Variants in CTNND1 observed in about 807,000 individuals in gnomAD.
The protein encoded by CTNND1 is catenin delta 1.
In CTNND1, 16 loss-of-function variants were observed where a neutral mutation model predicts 112.1. The observed-to-expected ratio is 0.14, with a 90% CI of 0.10 to 0.22. CTNND1 has a LOEUF of 0.22. Ranked by LOEUF, CTNND1 falls within the 10% of genes least tolerant of loss-of-function variation. The probability of loss-of-function intolerance (pLI) is 1.00; values close to 1 mark genes in which losing one functional copy is unlikely to be tolerated. For synonymous variants in CTNND1, 420 were observed against 446.5 expected (o/e 0.94, Z 0.75); for missense variants, 1,008 against 1,257.0 (o/e 0.80, Z 3.00).
rs2062980588 is a variant in CTNND1, at chr11:57,808,622, T to G, written c.2242+82T>G. On this transcript the variant is annotated intron_variant, in intron 14 of 20. Coordinates refer to ENST00000399050, the MANE Select transcript of CTNND1 (RefSeq NM_001085458.2). Reference sequence around the variant, plus strand: ...GCAGGTGCCTAATAATTTATTGAATTTATTGAAATGACTGAAGGGAAGGAC... The same window carrying G: ...GCAGGTGCCTAATAATTTATTGAATGTATTGAAATGACTGAAGGGAAGGAC... 10 of 1,342,364 alleles carry G rather than the reference T, an allele frequency of 7.4e-6. No homozygotes were observed. In the South Asian group the frequency reaches 1.8e-4, roughly 24 times the overall value. The allele number at this position is 1,342,364 out of a possible 1,614,324, so 83.2% of individuals were successfully genotyped here.
chr11:57,766,891 C>A (rs182614397), intron 1 of CTNND1, among the ~76,000 whole-genome samples: 2 of 152,076 alleles, frequency 1.3e-5, no homozygotes, highest in East Asian at 3.9e-4. Context: ...TCCAGTGAGC[C>A]CTTCAGTTTG....
intron 1 of CTNND1, among the ~76,000 whole-genome samples, chr11:57,787,825 C>T (rs2136528403): frequency 6.6e-6 from 1 of 152,330 alleles, no homozygotes; most frequent in Non-Finnish European, 1.5e-5. Flanking sequence ...GCCAGGTGGT[C>T]AGCTTTAAAG....
At chr11:57,800,298 C>T (rs1297856078) in intron 6 of CTNND1, among the ~76,000 whole-genome samples, 7 of 149,690 alleles carry the variant, frequency 4.7e-5, no homozygotes, top group Non-Finnish European at 8.9e-5. Flanking sequence ...AATAGAGTCT[C>T]GCTCTGTCAC....
In CTNND1 at chr11:57,761,885, AAAG is replaced by A; in HGVS notation, c.-446_-444del. The A allele has an allele frequency of 2.0e-6, 2 of 985,344 alleles. No individual in the cohort carries two copies. Among genetic ancestry groups the A allele is most frequent in the Middle Eastern group, 5.2e-4 (1 of 1,914 alleles). The allele number at this position is 985,344 out of a possible 1,614,324, so 61.0% of individuals were successfully genotyped here. On this transcript the variant is annotated 5_prime_UTR_variant, in exon 1 of 21. Coordinates refer to ENST00000399050, the MANE Select transcript of CTNND1 (RefSeq NM_001085458.2). ...AGGTGTTGGATCTGAGGGGGAAAAA[AAAG>A]AGAGAGGGAGAGAGAGAGAAAGAAG...
At chr11:57,780,373 C>T (rs1472775517) in intron 1 of CTNND1, among the ~76,000 whole-genome samples, 2 of 151,996 alleles carry the variant, frequency 1.3e-5, no homozygotes, top group Non-Finnish European at 2.9e-5. Flanking sequence ...GACTTTTAAC[C>T]CCAGGAAACA....
intron 20 of CTNND1, 125 bp from the exon 21 acceptor site, chr11:57,816,172 C>A: frequency 7.8e-7 from 1 of 1,284,408 alleles, no homozygotes; most frequent in Non-Finnish European, 1.1e-6. Flanking sequence ...CTGGGACATG[C>A]AGCTGGTGAT....
chr11:57,791,865 A>G (rs1159948434), intron 3 of CTNND1, among the ~76,000 whole-genome samples, 192 bp downstream of exon 3: 1 of 152,170 alleles, frequency 6.6e-6, no homozygotes, highest in African/African-American at 2.4e-5. Flanking sequence ...AGCTGGGTGC[A>G]GTTACTATCT....
chr11:57,805,936 G>C lies in CTNND1; in HGVS notation c.1777G>C (p.Glu593Gln). The change falls in exon 10 of 21, where the codon GAG (glutamate) becomes CAG (glutamine). Residue 593 changes from glutamate to glutamine, a missense_variant. Glu to Gln is a conservative substitution (Grantham distance 29, BLOSUM62 2). This residue lies in a region of CTNND1 where 216 missense variants were observed against 342.8 expected (regional missense o/e 0.63). Transcript: ENST00000399050. Reference protein sequence around the residue: ...LRNLSYQVHREIPQAERYQEA... With the variant: ...LRNLSYQVHRQIPQAERYQEA... Reference sequence around the variant, plus strand: ...GAACTTATCATATCAAGTTCACCGGGAGATCCCACAGGCAGAGCGTTACCA... The same window carrying C: ...GAACTTATCATATCAAGTTCACCGGCAGATCCCACAGGCAGAGCGTTACCA... 2 of 1,613,696 alleles carry C rather than the reference G, an allele frequency of 1.2e-6. No homozygotes were observed. Among genetic ancestry groups the C allele is most frequent in the Non-Finnish European group, 1.7e-6 (2 of 1,179,750 alleles).
At chr11:57,765,245 CTG>C (rs1456892276) in intron 1 of CTNND1, among the ~76,000 whole-genome samples, 1 of 152,056 alleles carries the variant, frequency 6.6e-6, no homozygotes, top group Non-Finnish European at 1.5e-5. Flanking sequence ...TGTCTTATCT[CTG>C]TATCTTTTTA....
At chr11:57,804,297 A>G (rs1235361939) in intron 8 of CTNND1, among the ~76,000 whole-genome samples, 1 of 152,184 alleles carries the variant, frequency 6.6e-6, no homozygotes, top group East Asian at 1.9e-4. Context: ...ATTTTATTAA[A>G]GTTTTCCTGA....
chr11:57,784,122 T>C (rs2059893762), intron 1 of CTNND1, among the ~76,000 whole-genome samples: 1 of 151,786 alleles, frequency 6.6e-6, no homozygotes, highest in Admixed American at 6.6e-5. Flanking sequence ...GGTTTTGCCA[T>C]GTTGCCCAGG....
rs59803542 is a variant in CTNND1 at position 57,816,235 on chromosome 11, T to TG, written c.2896-54dup. 1,865 of 1,599,164 alleles carry TG rather than the reference T, an allele frequency of 1.2e-3. 1 individual carries two copies. The highest frequency in any genetic ancestry group is 3.8e-3 in the Middle Eastern group (23 of 6,034). On this transcript the variant is annotated intron_variant, in intron 20 of 20. Transcript: ENST00000399050. The stretch of plus-strand genomic sequence containing the variant: ...TTTCTCCAGATTTGCTCAACTTTTT[T>TG]GGGGGGGGTCTCCTTAATCCCAACC...
Position 57,806,496 on chromosome 11 carries a change from AG to A in CTNND1, c.1894+20del. On this transcript the variant is annotated intron_variant, in intron 11 of 20. Transcript: ENST00000399050. ...CTCCAGAGGTGAGTGGAGTCTTTTA[AG>A]GTGCTTATCTACTTCTAATTTGCAT... 1 of 1,593,502 alleles carries A rather than the reference AG, an allele frequency of 6.3e-7. No homozygotes were observed. The highest frequency in any genetic ancestry group is 8.6e-7 in the Non-Finnish European group (1 of 1,168,186).
In CTNND1 at chr11:57,801,855, C is replaced by T. The variant is rs1203192441; in HGVS notation, c.1079C>T (p.Pro360Leu). The T allele has an allele frequency of 2.5e-6, 4 of 1,613,934 alleles. No individual in the cohort carries two copies. In the East Asian group the frequency reaches 6.7e-5, roughly 27 times the overall value. The change falls in exon 7 of 21, where the codon CCT (proline) becomes CTT (leucine). Residue 360 changes from proline to leucine, a missense_variant. By Grantham distance (98) the Pro-to-Leu change is moderately conservative. Transcript: ENST00000399050. The stretch of plus-strand genomic sequence containing the variant: ...AGCCTGCGCAAAGGAGGGCCTCCAC[C>T]TCCTAATTGGAGACAGCCAGAGCTG... ...LDSLRKGGPP[P>L]PNWRQPELPE...
At chr11:57,803,051 G>T (rs2062189527) in intron 7 of CTNND1, among the ~76,000 whole-genome samples, 1 of 152,202 alleles carries the variant, frequency 6.6e-6, no homozygotes, top group South Asian at 2.1e-4. Context: ...TGTCAGTGGT[G>T]CTGAGGTTGA....
intron 6 of CTNND1, among the ~76,000 whole-genome samples, chr11:57,800,834 G>A (rs1439578997): frequency 1.3e-5 from 2 of 152,300 alleles, no homozygotes; most frequent in African/African-American, 2.4e-5. Flanking sequence ...TGGTAGTTAC[G>A]AATAAATAAT....
chr11:57,762,808 G>T (rs1014533420), intron 1 of CTNND1, among the ~76,000 whole-genome samples: 1 of 152,182 alleles, frequency 6.6e-6, no homozygotes, highest in African/African-American at 2.4e-5. Context: ...AAGATTTGTG[G>T]AGGTGTTTGT....
intron 5 of CTNND1, among the ~76,000 whole-genome samples, chr11:57,796,221 C>G (rs1310210693): frequency 6.6e-6 from 1 of 151,822 alleles, no homozygotes; most frequent in Non-Finnish European, 1.5e-5. Context: ...CCCGTCTCTA[C>G]TAAAAATACA....
intron 6 of CTNND1, among the ~76,000 whole-genome samples, chr11:57,797,883 G>A (rs1459353698): frequency 1.4e-5 from 2 of 144,342 alleles, no homozygotes; most frequent in African/African-American, 5.1e-5. Flanking sequence ...ATTGTTATTA[G>A]TCTGTGTCCT....
Sources: allele counts gnomAD v4.1 joint callset (sites outside exome capture counted in the v4.1 genomes callset), GRCh38; gene constraint gnomAD v4.1.1; regional missense constraint gnomAD v4.1.1; transcripts MANE v1.5; gene names NCBI Gene and HGNC (gene_info 2026-07-23, HGNC 2026-07-21).